HAO1: variants seen among roughly 807,000 people sequenced by gnomAD.
HAO1 encodes 2-Hydroxyacid oxidase 1.
In HAO1, 34 loss-of-function variants were observed where a neutral mutation model predicts 39.7. That is an observed-to-expected ratio of 0.86 (90% CI 0.65 to 1.14). HAO1 has a LOEUF of 1.14. HAO1 is among the 50% of genes most tolerant of loss of function. HAO1 has a pLI of 0.00. For synonymous variants in HAO1, 172 were observed against 173.2 expected (o/e 0.99, Z 0.05); for missense variants, 479 against 464.5 (o/e 1.03, Z -0.29).
In HAO1 at chr20:7,909,360, CATATATATATATATATATGT is replaced by C. The variant is rs1340168207; in HGVS notation, c.546-3051_546-3032del. Among the ~76,000 whole-genome samples, 19 of 109,090 alleles carry C rather than the reference CATATATATATATATATATGT, an allele frequency of 1.7e-4. 1 individual carries two copies. The highest frequency in any genetic ancestry group is 6.8e-4 in the African/African-American group (15 of 22,142). The allele number at this position is 109,090 out of a possible 152,430, so 71.6% of individuals were successfully genotyped here. On this transcript the variant is annotated intron_variant, in intron 3 of 7. Coordinates refer to ENST00000378789, the MANE Select transcript of HAO1 (RefSeq NM_017545.3). ...AATGCTATTTTTATTCGGATTATGA[CATATATATATATATATATGT>C]ATATATATATATATATATATATATG...
chr20:7,914,527 A>T (rs2050297489), intron 2 of HAO1, 108 bp from the exon 3 acceptor site: 1 of 1,156,256 alleles, frequency 8.6e-7, no homozygotes, highest in Non-Finnish European at 1.2e-6. Flanking sequence ...ATTTGGCAAT[A>T]TGAAGTCAAA....
intron 2 of HAO1, among the ~76,000 whole-genome samples, chr20:7,933,613 C>A (rs903502078): frequency 6.6e-6 from 1 of 152,174 alleles, no homozygotes; most frequent in Non-Finnish European, 1.5e-5. Context: ...TCAGACATTT[C>A]AAGAAGGGAA....
At chr20:7,898,746 T>C (rs1234776972) in intron 4 of HAO1, among the ~76,000 whole-genome samples, 2 of 152,138 alleles carry the variant, frequency 1.3e-5, no homozygotes, top group Admixed American at 6.6e-5. Context: ...AATTAACTTA[T>C]ATAGCTGTCA....
intron 1 of HAO1, among the ~76,000 whole-genome samples, chr20:7,936,554 G>C (rs1033227041): frequency 6.8e-6 from 1 of 147,648 alleles, no homozygotes; most frequent in African/African-American, 2.5e-5. Context: ...GTGTTCGCGC[G>C]CGCGCGCGCG....
At chr20:7,914,838 G>T (rs2050299178) in intron 2 of HAO1, among the ~76,000 whole-genome samples, 1 of 152,152 alleles carries the variant, frequency 6.6e-6, no homozygotes, top group South Asian at 2.1e-4. Flanking sequence ...TAATATTATT[G>T]CTGGGCACAG....
At chr20:7,887,887 A>G (rs1308803695) in intron 5 of HAO1, among the ~76,000 whole-genome samples, 3 of 152,088 alleles carry the variant, frequency 2.0e-5, no homozygotes, top group African/African-American at 7.2e-5. Flanking sequence ...AGGTGTTTCA[A>G]TCCTCCCTTT....
At chr20:7,903,633 A>G (rs1212773170) in intron 4 of HAO1, among the ~76,000 whole-genome samples, 2 of 144,328 alleles carry the variant, frequency 1.4e-5, no homozygotes, top group African/African-American at 5.2e-5. Context: ...GGGAGTGGTG[A>G]TGGTGGTGGT....
At chr20:7,915,581 A>G (rs2050303063) in intron 2 of HAO1, among the ~76,000 whole-genome samples, 1 of 152,150 alleles carries the variant, frequency 6.6e-6, no homozygotes. Context: ...TAGGTGTTTT[A>G]GAGATAAAGA....
In HAO1 at chr20:7,899,159, G is replaced by A. The variant is rs916626074; in HGVS notation, c.722-3935C>T. On this transcript the variant is annotated intron_variant, in intron 4 of 7. Transcript: ENST00000378789. ...CTTAAGGTAAGTCATCAGTCCACCC[G>A]GACTTAAATCCCACATCTGCTGCTC... Among the ~76,000 whole-genome samples, 5 of 151,618 alleles carry A rather than the reference G, an allele frequency of 3.3e-5. No homozygotes were observed. In the East Asian group the frequency reaches 5.8e-4, roughly 18 times the overall value.
At chr20:7,936,070 A>T (rs2142696) in intron 1 of HAO1, among the ~76,000 whole-genome samples, 36,911 of 152,154 alleles carry the variant, frequency 0.24, 4,916 homozygotes, top group East Asian at 0.48. Context: ...GGAAGAAGAA[A>T]TTCTGCCTTC....
intron 2 of HAO1, among the ~76,000 whole-genome samples, chr20:7,915,164 T>A (rs1398649811): frequency 6.6e-6 from 1 of 152,142 alleles, no homozygotes; most frequent in African/African-American, 2.4e-5. Context: ...TCTGCATCAA[T>A]ATGCTAAACC....
chr20:7,898,981 C>G (rs2050209559), intron 4 of HAO1, among the ~76,000 whole-genome samples: 1 of 151,044 alleles, frequency 6.6e-6, no homozygotes, highest in South Asian at 2.1e-4. Context: ...TAAACATAGA[C>G]AATGGTATTT....
intron 2 of HAO1, among the ~76,000 whole-genome samples, chr20:7,920,836 G>C (rs1156389741): frequency 6.6e-6 from 1 of 152,102 alleles, no homozygotes; most frequent in African/African-American, 2.4e-5. Flanking sequence ...AACGAACATA[G>C]AAGTGCAGAT....
intron 5 of HAO1, among the ~76,000 whole-genome samples, chr20:7,888,971 T>C (rs961625890): frequency 9.9e-5 from 15 of 152,124 alleles, no homozygotes; most frequent in Admixed American, 9.2e-4. Flanking sequence ...GACAGCCTCC[T>C]AGTAGGCCTA....
In HAO1 at chr20:7,914,315, A is replaced by T. The variant is rs748280104; in HGVS notation, c.394T>A (p.Tyr132Asn). ...GPEALRWLQL[Y>N]IYKDREVTKK... Reference sequence around the variant, plus strand: ...GTGACTTCTCGGTCCTTGTAGATATACAGTTGCAGCCAACGAAGTGCCTCA... The same window carrying T: ...GTGACTTCTCGGTCCTTGTAGATATTCAGTTGCAGCCAACGAAGTGCCTCA... The change falls in exon 3 of 8, where the codon TAT (tyrosine) becomes AAT (asparagine). Residue 132 changes from tyrosine (Y) to asparagine (N), a missense_variant. Transcript: ENST00000378789. The T allele has an allele frequency of 1.9e-6, 3 of 1,614,006 alleles. No homozygotes were observed. Among genetic ancestry groups the T allele is most frequent in the Admixed American group, 3.3e-5 (2 of 60,024 alleles).
Position 7,934,481 on chromosome 20 carries a change from T to A in HAO1, c.289+3A>T, listed in dbSNP as rs1478851789. On this transcript the variant is annotated splice_donor_region_variant and intron_variant, in intron 2 of 7. Transcript: ENST00000378789. ...GTCCCTGTGGTGACAATCTTCCTCCTACCTCTCACAGTGGCAAGCTCGCCG... is the reference window on the plus strand; with the variant it reads ...GTCCCTGTGGTGACAATCTTCCTCCAACCTCTCACAGTGGCAAGCTCGCCG... The A allele has an allele frequency of 3.7e-6, 6 of 1,607,034 alleles. No individual in the cohort carries two copies. Among genetic ancestry groups the A allele is most frequent in the Non-Finnish European group, 5.1e-6 (6 of 1,177,546 alleles).
intron 4 of HAO1, among the ~76,000 whole-genome samples, chr20:7,903,815 G>A (rs1463215994): frequency 6.9e-6 from 1 of 145,560 alleles, no homozygotes; most frequent in Admixed American, 6.8e-5. Context: ...GTGGTGGGTG[G>A]CAGCAGTGCT....
chr20:7,883,672 A>G lies in HAO1; in HGVS notation c.1043-9T>C. On this transcript the variant is annotated splice_polypyrimidine_tract_variant and intron_variant, in intron 7 of 7. Transcript: ENST00000378789. ...TTTCACATTCTGGCACCCTGAAAAA[A>G]TAATGCATACATTTAATATGAACTG... 1 of 1,581,210 alleles carries G rather than the reference A, an allele frequency of 6.3e-7. No homozygotes were observed. The highest frequency in any genetic ancestry group is 8.7e-7 in the Non-Finnish European group (1 of 1,150,046).
At chr20:7,903,885 T>C (rs1444487848) in intron 4 of HAO1, among the ~76,000 whole-genome samples, 6 of 136,530 alleles carry the variant, frequency 4.4e-5, no homozygotes, top group African/African-American at 1.6e-4. Flanking sequence ...GTGGTGGTGG[T>C]GGTGGTGGTG....
Sources: gnomAD v4.1 joint callset for allele counts (sites outside exome capture counted in the v4.1 genomes callset) on GRCh38, gnomAD v4.1.1 for gene constraint, MANE v1.5 for transcripts, NCBI Gene and HGNC (gene_info 2026-07-23, HGNC 2026-07-21) for gene names.